SAMMSON: variants seen among roughly 807,000 people sequenced by gnomAD.
SAMMSON encodes survival associated mitochondrial melanoma specific oncogenic non-coding RNA.
chr3:70,220,210 C>G (rs915466083), intron 4 of SAMMSON, among the ~76,000 whole-genome samples: 4 of 151,992 alleles, frequency 2.6e-5, no homozygotes, highest in Admixed American at 2.0e-4. Flanking sequence ...CTCAGTTTGT[C>G]TTTTCTGTGT....
intron 4 of SAMMSON, among the ~76,000 whole-genome samples, chr3:70,103,126 G>T (rs933726797): frequency 6.6e-6 from 1 of 152,156 alleles, no homozygotes; most frequent in Admixed American, 6.5e-5. Context: ...CTTCCACTAA[G>T]CTTCAACAAA....
Position 70,411,183 on chromosome 3 carries a change from G to T in SAMMSON, n.234-51377G>T, listed in dbSNP as rs537589987. Among the ~76,000 whole-genome samples the T allele has an allele frequency of 8.5e-5, 13 of 152,232 alleles. No homozygotes were observed. The South Asian group carries it at 1.2e-3, about 15-fold the overall frequency. On this transcript the variant is annotated intron_variant and non_coding_transcript_variant, in intron 2 of 3. Coordinates refer to the SAMMSON transcript ENST00000641053. ...TAAAGCCAACAGAGACAAGAATTTT[G>T]CCAAGTTATCTTGACTAAAAGGGAG...
intron 4 of SAMMSON, among the ~76,000 whole-genome samples, chr3:70,088,921 G>A (rs566920267): frequency 2.0e-5 from 3 of 152,144 alleles, no homozygotes; most frequent in South Asian, 2.1e-4. Flanking sequence ...ATGGGTACTG[G>A]GCAAGTGACT....
At chr3:70,420,691 G>C (rs1701303961) in intron 2 of SAMMSON, among the ~76,000 whole-genome samples, 1 of 152,172 alleles carries the variant, frequency 6.6e-6, no homozygotes. Flanking sequence ...GAATGCTCTA[G>C]ATTCAGAGAT....
chr3:70,215,147 A>T (rs898242969), intron 4 of SAMMSON, among the ~76,000 whole-genome samples: 2 of 152,146 alleles, frequency 1.3e-5, no homozygotes, highest in Admixed American at 6.5e-5. Context: ...TCTTATGTGC[A>T]TTATCACATT....
intron 9 of SAMMSON, among the ~76,000 whole-genome samples, chr3:70,378,068 C>A (rs958187629): frequency 6.6e-6 from 1 of 151,694 alleles, no homozygotes; most frequent in Non-Finnish European, 1.5e-5. Context: ...TCCCTTCTTT[C>A]CCAGCAATTC....
intron 4 of SAMMSON, chr3:70,204,440 T>C (rs1241811479): frequency 6.6e-6 from 1 of 152,166 alleles, no homozygotes; most frequent in East Asian, 1.9e-4. Context: ...TTATCACTCT[T>C]TGTGGGTCTT....
chr3:70,320,819 T>C (rs1265192538), intron 7 of SAMMSON, among the ~76,000 whole-genome samples: 1 of 152,142 alleles, frequency 6.6e-6, no homozygotes, highest in Non-Finnish European at 1.5e-5. Context: ...CTAAGTCAGC[T>C]AGGGCGGCCT....
intron 4 of SAMMSON, among the ~76,000 whole-genome samples, chr3:70,184,847 G>A (rs548165882): frequency 1.3e-5 from 2 of 152,316 alleles, no homozygotes; most frequent in African/African-American, 4.8e-5. Flanking sequence ...CTCTCAGGTT[G>A]TCAGGTGAAA....
At chr3:70,258,877 TTTAAA>T (rs1223030084) in intron 6 of SAMMSON, among the ~76,000 whole-genome samples, 16 of 152,320 alleles carry the variant, frequency 1.1e-4, no homozygotes, top group East Asian at 3.9e-4. Context: ...TCTTTAATTT[TTTAAA>T]TTAAATTAAA....
At chr3:70,221,214 A>C (rs1237499752) in intron 4 of SAMMSON, among the ~76,000 whole-genome samples, 1 of 152,164 alleles carries the variant, frequency 6.6e-6, no homozygotes, top group Non-Finnish European at 1.5e-5. Context: ...CCATTCATTT[A>C]TTCATTAGTG....
intron 4 of SAMMSON, among the ~76,000 whole-genome samples, chr3:70,122,043 T>A (rs925981056): frequency 1.3e-5 from 2 of 152,118 alleles, no homozygotes; most frequent in Non-Finnish European, 2.9e-5. Context: ...GTGCCAAAAA[T>A]TATCCTATTA....
At chr3:70,320,370 A>G (rs1337430074) in intron 7 of SAMMSON, among the ~76,000 whole-genome samples, 1 of 152,050 alleles carries the variant, frequency 6.6e-6, no homozygotes, top group Non-Finnish European at 1.5e-5. Context: ...ATTTTGCTCC[A>G]AAACCCTCTT....
intron 4 of SAMMSON, among the ~76,000 whole-genome samples, chr3:70,198,057 ACTTTT>A (rs956597616): frequency 2.0e-4 from 31 of 152,280 alleles, no homozygotes; most frequent in African/African-American, 7.0e-4. Context: ...TAAAATTTTA[ACTTTT>A]CTTTCTTTTA....
At position 70,311,433 on chromosome 3, in the gene SAMMSON, C is replaced by A. The variant is rs183621795; in HGVS notation, n.739+20190C>A. Among the ~76,000 whole-genome samples the A allele has an allele frequency of 1.8e-3, 274 of 152,278 alleles. 1 individual carries two copies. The highest frequency in any genetic ancestry group is 6.4e-3 in the African/African-American group (264 of 41,546). On this transcript the variant is annotated intron_variant and non_coding_transcript_variant, in intron 7 of 9. Coordinates refer to ENST00000642114, the Ensembl canonical transcript of SAMMSON. ...CGGAGCCCATGGCCGACAGCATTCT[C>A]CCCTGGGAAGGTGGCTTCTCTAATT... is the stretch of plus-strand genomic sequence containing the variant.
chr3:70,398,188 G>C (rs1255604826), intron 2 of SAMMSON, among the ~76,000 whole-genome samples: 1 of 151,986 alleles, frequency 6.6e-6, no homozygotes, highest in African/African-American at 2.4e-5. Flanking sequence ...CATGTCTATG[G>C]GTGGTTTAAA....
At chr3:70,131,648 A>G (rs1029210348) in intron 4 of SAMMSON, among the ~76,000 whole-genome samples, 6 of 152,170 alleles carry the variant, frequency 3.9e-5, no homozygotes, top group Admixed American at 6.6e-5. Context: ...TGGCATGATC[A>G]TGGCTCATTG....
intron 3 of SAMMSON, among the ~76,000 whole-genome samples, chr3:70,029,605 A>C (rs774086140): frequency 1.1e-4 from 17 of 152,120 alleles, no homozygotes; most frequent in Non-Finnish European, 2.4e-4. Flanking sequence ...AATACAAAAA[A>C]TTAGCAAGGC....
At chr3:70,248,759 G>C (rs1701731844) in intron 4 of SAMMSON, among the ~76,000 whole-genome samples, 1 of 152,054 alleles carries the variant, frequency 6.6e-6, no homozygotes, top group Non-Finnish European at 1.5e-5. Flanking sequence ...TCAACATATT[G>C]GAAAATGGTG....
Sources: gnomAD v4.1 joint callset for allele counts (sites outside exome capture counted in the v4.1 genomes callset) on GRCh38, gnomAD v4.1.1 for gene constraint, MANE v1.5 for transcripts, NCBI Gene and HGNC (gene_info 2026-07-23, HGNC 2026-07-21) for gene names.